Variants in TRERF1 observed in about 807,000 individuals in gnomAD.
TRERF1 encodes transcriptional-regulating factor 1.
Under a neutral mutation model 122.9 loss-of-function variants are expected in TRERF1, and 27 were observed. The ratio of observed to expected loss-of-function variants is 0.22; its 90% CI spans 0.16 to 0.30. The LOEUF (loss-of-function observed/expected upper bound fraction) is 0.30. Ranked by LOEUF, TRERF1 falls within the 10% of genes least tolerant of loss-of-function variation. TRERF1 has a pLI of 1.00. For synonymous variants in TRERF1, 636 were observed against 641.7 expected, an observed-to-expected ratio of 0.99 and a Z score of 0.13; for missense variants, 1,248 against 1,560.3, an observed-to-expected ratio of 0.80 and a Z score of 3.37.
chr6:42,399,066 T>C (rs1321917511), intron 2 of TRERF1, among the ~76,000 whole-genome samples: 3 of 152,162 alleles, frequency 2.0e-5, no homozygotes, highest in Non-Finnish European at 4.4e-5. Context: ...TTTAACCAGA[T>C]GGAAGGAAGT....
At chr6:42,441,340 G>A (rs1372648241) in intron 2 of TRERF1, among the ~76,000 whole-genome samples, 1 of 152,216 alleles carries the variant, frequency 6.6e-6, no homozygotes, top group Non-Finnish European at 1.5e-5. Flanking sequence ...GGGGGAAGGA[G>A]GAGGGGGTGG....
intron 2 of TRERF1, among the ~76,000 whole-genome samples, chr6:42,397,442 T>G (rs961733589): frequency 6.6e-6 from 1 of 152,182 alleles, no homozygotes; most frequent in Non-Finnish European, 1.5e-5. Flanking sequence ...AATTACTGAT[T>G]AAGATTCAAA....
chr6:42,402,133 C>T (rs1326974831), intron 2 of TRERF1, among the ~76,000 whole-genome samples: 2 of 148,514 alleles, frequency 1.3e-5, no homozygotes, highest in African/African-American at 5.3e-5. Context: ...AAATTAACTT[C>T]CAGTAGTAAA....
chr6:42,426,770 G>T (rs1783688054), intron 2 of TRERF1, among the ~76,000 whole-genome samples: 1 of 152,174 alleles, frequency 6.6e-6, no homozygotes, highest in Non-Finnish European at 1.5e-5. Context: ...AAGTTGAGTA[G>T]TTAGGACAGA....
chr6:42,315,969 G>A (rs1273026394), intron 3 of TRERF1, among the ~76,000 whole-genome samples: 2 of 152,158 alleles, frequency 1.3e-5, no homozygotes, highest in African/African-American at 4.8e-5. Flanking sequence ...ACCCAAGGGA[G>A]GCCTAAAAAA....
chr6:42,291,565 G>A (rs1467086825), intron 4 of TRERF1, among the ~76,000 whole-genome samples: 1 of 151,802 alleles, frequency 6.6e-6, no homozygotes, highest in African/African-American at 2.4e-5. Context: ...ATGGAGTTTC[G>A]CTCTGTCACC....
At chr6:42,413,019 C>T (rs990742575) in intron 2 of TRERF1, among the ~76,000 whole-genome samples, 4 of 152,110 alleles carry the variant, frequency 2.6e-5, no homozygotes, top group Admixed American at 6.6e-5. Context: ...GACAGCAATG[C>T]TTAGCCAAAG....
chr6:42,357,433 G>A (rs915529889), intron 3 of TRERF1, among the ~76,000 whole-genome samples: 51 of 152,004 alleles, frequency 3.4e-4, no homozygotes, highest in East Asian at 1.9e-3. Flanking sequence ...GGACTCAAAC[G>A]GTAACGCTTT....
chr6:42,311,623 G>A (rs1582966414), intron 3 of TRERF1, among the ~76,000 whole-genome samples: 2 of 151,976 alleles, frequency 1.3e-5, no homozygotes, highest in South Asian at 2.1e-4. Flanking sequence ...AAAATTAGCC[G>A]GGCGTTGTGG....
At chr6:42,329,195 C>G (rs1450014848) in intron 3 of TRERF1, among the ~76,000 whole-genome samples, 1 of 152,000 alleles carries the variant, frequency 6.6e-6, no homozygotes. Context: ...TTGGTCAGAA[C>G]GGACTTGGAC....
chr6:42,384,161 A>G (rs1776411144), intron 2 of TRERF1, among the ~76,000 whole-genome samples: 1 of 152,152 alleles, frequency 6.6e-6, no homozygotes, highest in South Asian at 2.1e-4. Context: ...ATGCAAAAAC[A>G]TACACAAGGA....
intron 3 of TRERF1, among the ~76,000 whole-genome samples, chr6:42,353,897 C>G (rs1769989512): frequency 6.6e-6 from 1 of 152,060 alleles, no homozygotes; most frequent in African/African-American, 2.4e-5. Context: ...TAATAAAAAT[C>G]GTGATGGTAG....
chr6:42,304,583 T>G (rs904248415), intron 3 of TRERF1, among the ~76,000 whole-genome samples: 1 of 152,210 alleles, frequency 6.6e-6, no homozygotes, highest in Non-Finnish European at 1.5e-5. Context: ...AGTCAGCTAT[T>G]GCTGACCAGG....
At chr6:42,324,413 C>A (rs1400862247) in intron 3 of TRERF1, among the ~76,000 whole-genome samples, 2 of 152,168 alleles carry the variant, frequency 1.3e-5, no homozygotes, top group Non-Finnish European at 2.9e-5. Flanking sequence ...TTGTAAAATT[C>A]ATATGGAACC....
Position 42,259,730 on chromosome 6 carries a change from C to T in TRERF1, c.1885-7G>A. 1 of 1,600,798 alleles carries T rather than the reference C, an allele frequency of 6.2e-7. No homozygotes were observed. The highest frequency in any genetic ancestry group is 8.5e-7 in the Non-Finnish European group (1 of 1,179,894). On this transcript the variant is annotated splice_polypyrimidine_tract_variant and splice_region_variant and intron_variant, in intron 8 of 17. Coordinates refer to ENST00000372922, the Ensembl canonical transcript of TRERF1. The surrounding 1 kb of genome is among the most constrained non-coding windows in gnomAD (Gnocchi z 4.9). ...GATGCTTCCTGGGGATTTCCTAAAA[C>T]CGGAACAACGATCTGATTCGAATAC...
intron 2 of TRERF1, among the ~76,000 whole-genome samples, chr6:42,442,939 C>T (rs901389167): frequency 3.3e-5 from 5 of 152,156 alleles, no homozygotes; most frequent in African/African-American, 7.2e-5. Flanking sequence ...TTTTACTTCT[C>T]GAGCCTCAGT....
intron 4 of TRERF1, among the ~76,000 whole-genome samples, chr6:42,287,267 A>G (rs1582825496): frequency 1.3e-5 from 2 of 150,678 alleles, no homozygotes; most frequent in South Asian, 4.2e-4. Context: ...CAATGTGCAC[A>G]TGTACCCTAA....
chr6:42,427,229 G>C (rs537032371), intron 2 of TRERF1, among the ~76,000 whole-genome samples: 6 of 152,242 alleles, frequency 3.9e-5, no homozygotes, highest in South Asian at 2.1e-4. Flanking sequence ...TAAATGCTTA[G>C]CAAATGAGAA....
At chr6:42,340,789 A>T (rs757145129) in intron 3 of TRERF1, among the ~76,000 whole-genome samples, 5 of 152,214 alleles carry the variant, frequency 3.3e-5, no homozygotes, top group Non-Finnish European at 5.9e-5. Context: ...CTCTTCTCAG[A>T]TCGCAGTAAA....
Sources: allele counts gnomAD v4.1 joint callset (sites outside exome capture counted in the v4.1 genomes callset), GRCh38; gene constraint gnomAD v4.1.1; non-coding constraint Gnocchi (gnomAD v3.1); transcripts MANE v1.5; gene names NCBI Gene and HGNC (gene_info 2026-07-23, HGNC 2026-07-21).